Variants in CFAP210 observed in about 807,000 individuals in gnomAD.
CFAP210 encodes cilia and flagella associated protein 210, also known as cilia- and flagella- associated protein 210.
At chr2:169,653,037 T>TATATATAC in the CFAP210 span, among the ~76,000 whole-genome samples, 1 of 31,824 alleles carries the variant, frequency 3.1e-5, no homozygotes, top group Non-Finnish European at 5.3e-5. Flanking sequence ...AAAATATATA[T>TATATATAC]ATATATATAT....
At chr2:169,647,625 T>G in the CFAP210 span, among the ~76,000 whole-genome samples, 7 of 152,170 alleles carry the variant, frequency 4.6e-5, no homozygotes, top group South Asian at 1.0e-3. Context: ...TCTTAAAGAC[T>G]TCAACAAGTA....
At chr2:169,694,353 C>T in the CFAP210 span, 7 of 1,611,732 alleles carry the variant, frequency 4.3e-6, no homozygotes, top group African/African-American at 5.3e-5. Context: ...GGAAAAGTGA[C>T]TGTGGCGCCA....
chr2:169,681,339 T>C, the CFAP210 span: 11 of 830,370 alleles, frequency 1.3e-5, no homozygotes, highest in South Asian at 1.6e-4. Context: ...TTATTTCAAA[T>C]ACTTAATTTA....
the CFAP210 span, among the ~76,000 whole-genome samples, chr2:169,655,673 A>C: frequency 6.6e-6 from 1 of 152,210 alleles, no homozygotes; most frequent in African/African-American, 2.4e-5. Flanking sequence ...GCTCAAGGTC[A>C]TATAGCCAGT....
the CFAP210 span, chr2:169,650,351 ATTGTTTTTAATTCTGCT>A: frequency 2.5e-6 from 4 of 1,593,738 alleles, no homozygotes; most frequent in Non-Finnish European, 3.4e-6. Flanking sequence ...ATATTCTGCA[ATTGTTTTTAATTCTGCT>A]TTGTTTTTTT....
chr2:169,685,922 G>T, the CFAP210 span, among the ~76,000 whole-genome samples: 1 of 152,062 alleles, frequency 6.6e-6, no homozygotes. Context: ...ACTTAGTATA[G>T]ATGTATGGGT....
the CFAP210 span, among the ~76,000 whole-genome samples, chr2:169,648,441 T>C: frequency 5.1e-5 from 6 of 117,462 alleles, no homozygotes; most frequent in Non-Finnish European, 1.1e-4. Flanking sequence ...CTTAAAATGG[T>C]ACTTTTTATG....
chr2:169,683,060 G>A, the CFAP210 span, among the ~76,000 whole-genome samples: 1 of 152,136 alleles, frequency 6.6e-6, no homozygotes, highest in African/African-American at 2.4e-5. Context: ...GATACTGAAA[G>A]AAAAGCCTTT....
At chr2:169,656,036 G>A in the CFAP210 span, among the ~76,000 whole-genome samples, 1 of 152,156 alleles carries the variant, frequency 6.6e-6, no homozygotes, top group Non-Finnish European at 1.5e-5. Flanking sequence ...TATGACCAAT[G>A]AGATTCAGGG....
chr2:169,645,943 A>C, the CFAP210 span: 1 of 1,613,956 alleles, frequency 6.2e-7, no homozygotes, highest in Admixed American at 1.7e-5. Flanking sequence ...CATTTGCCTG[A>C]TAGCTGGGTC....
At chr2:169,686,459 A>C in the CFAP210 span, among the ~76,000 whole-genome samples, 2 of 152,162 alleles carry the variant, frequency 1.3e-5, no homozygotes, top group South Asian at 4.1e-4. Flanking sequence ...ATAATTTATA[A>C]AGAACAGGAT....
At chr2:169,674,607 T>A in the CFAP210 span, 21 of 1,608,486 alleles carry the variant, frequency 1.3e-5, no homozygotes, top group Non-Finnish European at 1.7e-5. Context: ...AGAGCCACCC[T>A]TTCTCTGTGT....
At chr2:169,679,420 C>T in the CFAP210 span, among the ~76,000 whole-genome samples, 2 of 152,100 alleles carry the variant, frequency 1.3e-5, 1 homozygote, top group South Asian at 4.2e-4. Flanking sequence ...TGGCTCAGGC[C>T]TGTAATCCCA....
At chr2:169,685,920 T>C in the CFAP210 span, among the ~76,000 whole-genome samples, 1 of 152,172 alleles carries the variant, frequency 6.6e-6, no homozygotes, top group Non-Finnish European at 1.5e-5. Context: ...CCACTTAGTA[T>C]AGATGTATGG....
At chr2:169,650,192 A>G in the CFAP210 span, 1 of 918,320 alleles carries the variant, frequency 1.1e-6, no homozygotes, top group Non-Finnish European at 1.5e-6. Context: ...CAATTTCAAA[A>G]ATACAGGAAG....
chr2:169,658,674 A>G, the CFAP210 span: 1 of 241,806 alleles, frequency 4.1e-6, no homozygotes, highest in Non-Finnish European at 8.2e-6. Flanking sequence ...CAGTCAGTGC[A>G]GAATACTGTC....
chr2:169,683,031 G>A, the CFAP210 span, among the ~76,000 whole-genome samples: 4 of 152,110 alleles, frequency 2.6e-5, no homozygotes, highest in Admixed American at 2.0e-4. Context: ...AGAAAATCAC[G>A]TGGTTCCAGA....
At chr2:169,656,854 C>T in the CFAP210 span, among the ~76,000 whole-genome samples, 1 of 145,116 alleles carries the variant, frequency 6.9e-6, no homozygotes, top group Non-Finnish European at 1.5e-5. Context: ...ATCCCAGCTA[C>T]TTGGGAGGCT....
chr2:169,650,524 A>G, the CFAP210 span: 4 of 1,521,158 alleles, frequency 2.6e-6, no homozygotes, highest in South Asian at 2.7e-5. Context: ...CCATAAGCCT[A>G]TAACAAAATA....
Sources: gnomAD v4.1 joint callset for allele counts (sites outside exome capture counted in the v4.1 genomes callset) on GRCh38, gnomAD v4.1.1 for gene constraint, MANE v1.5 for transcripts, NCBI Gene and HGNC (gene_info 2026-07-23, HGNC 2026-07-21) for gene names.